The following PLEK variants were observed in gnomAD, a reference collection of about 807,000 sequenced individuals.
PLEK encodes platelet 47 kDa protein.
Under a neutral mutation model 43.9 loss-of-function variants are expected in PLEK, and 25 were observed. The ratio of observed to expected loss-of-function variants is 0.57; its 90% CI spans 0.41 to 0.79. The LOEUF is 0.79. Among genes scored for constraint, PLEK ranks in the 30% least tolerant of loss-of-function variants. The pLI is 0.00. For missense variants in PLEK, 396 were observed against 413.3 expected (o/e 0.96, Z 0.36); for synonymous variants, 152 against 144.4 (o/e 1.05, Z -0.38).
intron 1 of PLEK, among the ~76,000 whole-genome samples, chr2:68,375,718 A>G (rs1023682486): frequency 5.3e-5 from 8 of 152,198 alleles, no homozygotes; most frequent in African/African-American, 1.9e-4. Context: ...GTATTTTGAG[A>G]TAAGCAGCAG....
chr2:68,371,507 T>A (rs1673401972), intron 1 of PLEK, among the ~76,000 whole-genome samples: 1 of 152,196 alleles, frequency 6.6e-6, no homozygotes, highest in African/African-American at 2.4e-5. Flanking sequence ...ATTTAATGAG[T>A]GATTACTATA....
At chr2:68,373,233 T>G (rs1024353697) in intron 1 of PLEK, among the ~76,000 whole-genome samples, 1 of 152,174 alleles carries the variant, frequency 6.6e-6, no homozygotes, top group Non-Finnish European at 1.5e-5. Context: ...TCCATCATCC[T>G]GACCTAACTC....
chr2:68,380,143 G>C (rs1673583038), intron 1 of PLEK, among the ~76,000 whole-genome samples, 185 bp from the exon 2 acceptor site: 2 of 152,218 alleles, frequency 1.3e-5, no homozygotes, highest in African/African-American at 4.8e-5. Flanking sequence ...AGAGCCGGGA[G>C]TAGAAATGAG....
At chr2:68,378,399 G>T (rs1673547393) in intron 1 of PLEK, among the ~76,000 whole-genome samples, 1 of 152,216 alleles carries the variant, frequency 6.6e-6, no homozygotes, top group Admixed American at 6.5e-5. Flanking sequence ...CAAGTCTGAG[G>T]CAGGCCGGAT....
chr2:68,374,196 A>G (rs1373042449), intron 1 of PLEK, among the ~76,000 whole-genome samples: 3 of 152,212 alleles, frequency 2.0e-5, no homozygotes, highest in Non-Finnish European at 4.4e-5. Flanking sequence ...TACATCTTCC[A>G]AGAAAAAGGA....
chr2:68,374,438 C>G (rs1183292915), intron 1 of PLEK, among the ~76,000 whole-genome samples: 2 of 152,148 alleles, frequency 1.3e-5, no homozygotes, highest in East Asian at 1.9e-4. Flanking sequence ...TAGTTTCCTT[C>G]TATAGAAGCA....
Position 68,380,663 on chromosome 2 carries a change from A to G in PLEK, c.199-60A>G. 7 of 1,543,016 alleles carry G rather than the reference A, an allele frequency of 4.5e-6. No homozygotes were observed. In the South Asian group the frequency reaches 7.2e-5, roughly 16 times the overall value. ...GGTTTAGGCCAATGGCCTCTGCTTC[A>G]TGAGGGGCCCCAAGCCCTTGAAATA... On this transcript the variant is annotated intron_variant, in intron 2 of 8. Transcript: ENST00000234313.
At chr2:68,379,930 A>C (rs1014634187) in intron 1 of PLEK, among the ~76,000 whole-genome samples, 1 of 152,328 alleles carries the variant, frequency 6.6e-6, no homozygotes, top group Admixed American at 6.5e-5. Flanking sequence ...AATATATAAC[A>C]AAGTTCCAGG....
At chr2:68,380,291 G>T (rs1361964467) in intron 1 of PLEK, 37 bp from the exon 2 acceptor site, 1 of 1,565,730 alleles carries the variant, frequency 6.4e-7, no homozygotes. Context: ...TTTGCAAAGA[G>T]CCCTGTCCAT....
chr2:68,391,990 G>A (rs373981861), intron 6 of PLEK, among the ~76,000 whole-genome samples: 1 of 152,092 alleles, frequency 6.6e-6, no homozygotes, highest in Non-Finnish European at 1.5e-5. Context: ...TATATGCCAG[G>A]CACTGTGGCC....
intron 5 of PLEK, among the ~76,000 whole-genome samples, chr2:68,386,959 A>T (rs370523417): frequency 1.3e-4 from 20 of 152,176 alleles, no homozygotes; most frequent in African/African-American, 4.6e-4. Flanking sequence ...ACTTGAAAAA[A>T]AATTTTTAAA....
rs148127274 is a variant in PLEK at position 68,386,357 on chromosome 2, C to T, written c.473-145C>T. 258 of 582,206 alleles carry T rather than the reference C, an allele frequency of 4.4e-4. 1 individual carries two copies. The African/African-American group carries it at 4.6e-3, about 10-fold the overall frequency. The allele number at this position is 582,206 out of a possible 1,614,324, so 36.1% of individuals were successfully genotyped here. ...TTGTTTCTAGTGGGTATCTATCCCA[C>T]TTATTTTGTTTTCTCTTTCTTGAAA... On this transcript the variant is annotated intron_variant, in intron 4 of 8. Transcript: ENST00000234313.
intron 1 of PLEK, among the ~76,000 whole-genome samples, chr2:68,366,541 T>C (rs1405348245): frequency 1.3e-5 from 2 of 152,222 alleles, no homozygotes; most frequent in Non-Finnish European, 2.9e-5. Flanking sequence ...CACTGAACTT[T>C]GTTCATTACT....
intron 1 of PLEK, among the ~76,000 whole-genome samples, chr2:68,374,558 G>T (rs546117451): frequency 6.6e-6 from 1 of 152,240 alleles, no homozygotes; most frequent in South Asian, 2.1e-4. Context: ...TTACAATAAG[G>T]TACATGAAGG....
intron 2 of PLEK, 95 bp downstream of exon 2, chr2:68,380,578 G>C: frequency 7.0e-7 from 1 of 1,435,846 alleles, no homozygotes; most frequent in Non-Finnish European, 9.6e-7. Flanking sequence ...TCCTTGGGCT[G>C]GTCCCTCTCA....
chr2:68,391,673 T>C (rs1673861124), intron 6 of PLEK, among the ~76,000 whole-genome samples: 1 of 152,254 alleles, frequency 6.6e-6, no homozygotes, highest in Non-Finnish European at 1.5e-5. Context: ...AAGGAGGCAC[T>C]GTTTGCTAAG....
In PLEK at chr2:68,396,740, C is replaced by G. The variant is rs1673970097; in HGVS notation, c.*924C>G. On this transcript the variant is annotated 3_prime_UTR_variant, in exon 9 of 9. Coordinates refer to ENST00000234313, the MANE Select transcript of PLEK (RefSeq NM_002664.3). Reference sequence around the variant, plus strand: ...AAAAAAAGTGGCCAGATGTGTTCCCCCCATGGGTGAGAGGCCTGGGCAACT... The same window carrying G: ...AAAAAAAGTGGCCAGATGTGTTCCCGCCATGGGTGAGAGGCCTGGGCAACT... 3 of 152,196 alleles carry G rather than the reference C, an allele frequency of 2.0e-5. No homozygotes were observed. The highest frequency in any genetic ancestry group is 4.4e-5 in the Non-Finnish European group (3 of 68,040). 9.4% of individuals were successfully genotyped at this position (152,196 alleles called of 1,614,324 possible).
In PLEK at chr2:68,365,333, A is replaced by T. The variant is rs748060791; in HGVS notation, c.-19A>T. ...GGAGTTGCCTGAGAGTGACCTTTGC[A>T]TCTGCCTGTCCAGCCAGCATGGAAC... On this transcript the variant is annotated 5_prime_UTR_variant, in exon 1 of 9. Transcript: ENST00000234313. 6.2e-7 allele frequency: 1 copy of T among 1,613,078 alleles called. No individual in the cohort carries two copies.
chr2:68,369,477 G>A (rs1047311926), intron 1 of PLEK, among the ~76,000 whole-genome samples: 3 of 148,820 alleles, frequency 2.0e-5, no homozygotes, highest in Non-Finnish European at 3.0e-5. Context: ...CTACAAAACC[G>A]TACTCTTTTT....
Sources: allele counts gnomAD v4.1 joint callset (sites outside exome capture counted in the v4.1 genomes callset), GRCh38; gene constraint gnomAD v4.1.1; transcripts MANE v1.5; gene names NCBI Gene and HGNC (gene_info 2026-07-23, HGNC 2026-07-21).